The following DST variants were observed in gnomAD, a reference collection of about 807,000 sequenced individuals.
DST encodes the protein dystonin, also known as bullous pemphigoid antigen.
A neutral mutation model predicts 875.2 loss-of-function variants in DST; 253 were observed. That is an observed-to-expected ratio of 0.29 (90% CI 0.26 to 0.32). DST has a LOEUF of 0.32. Ranked by LOEUF, DST falls within the 10% of genes least tolerant of loss-of-function variation. The pLI, the probability that DST is intolerant of heterozygous loss-of-function variation, is 1.00. For missense variants in DST, 8,287 were observed against 9,111.6 expected, an observed-to-expected ratio of 0.91 and a Z score of 3.68; for synonymous variants, 3,124 against 3,197.1, an observed-to-expected ratio of 0.98 and a Z score of 0.77.
chr6:56,616,032 A>G, intron 36 of DST: 1 of 1,614,212 alleles, frequency 6.2e-7, no homozygotes, highest in Non-Finnish European at 8.5e-7. Context: ...GCTTCAAGGC[A>G]TCGGAGGGCA....
chr6:56,617,512 A>C, intron 36 of DST: 3 of 1,195,300 alleles, frequency 2.5e-6, no homozygotes, highest in Non-Finnish European at 3.7e-6. Flanking sequence ...TTGAATTACA[A>C]AGACAAGATT....
chr6:56,925,742 G>A (rs1222253058), intron 2 of DST, among the ~76,000 whole-genome samples: 2 of 152,132 alleles, frequency 1.3e-5, no homozygotes, highest in African/African-American at 4.8e-5. Flanking sequence ...CATGGAAATA[G>A]GTTTTATTTC....
At chr6:56,721,620 A>C (rs1370951278) in intron 5 of DST, among the ~76,000 whole-genome samples, 1 of 152,258 alleles carries the variant, frequency 6.6e-6, no homozygotes, top group Non-Finnish European at 1.5e-5. Context: ...CAGAAATAAA[A>C]TTCTGTCTAA....
At chr6:56,590,984 C>T (rs2098262949) in intron 49 of DST, among the ~76,000 whole-genome samples, 1 of 152,224 alleles carries the variant, frequency 6.6e-6, no homozygotes, top group African/African-American at 2.4e-5. Flanking sequence ...AATTTTTCGA[C>T]TCTGTAAATA....
intron 4 of DST, among the ~76,000 whole-genome samples, chr6:56,779,700 TG>T (rs1251517873): frequency 6.6e-6 from 1 of 151,720 alleles, no homozygotes; most frequent in Admixed American, 6.6e-5. Context: ...GTTGTAGATA[TG>T]TGGCATTAGT....
chr6:56,498,230 G>A (rs1052048243), intron 80 of DST, among the ~76,000 whole-genome samples, 177 bp from the exon 81 acceptor site: 1 of 152,024 alleles, frequency 6.6e-6, no homozygotes, highest in African/African-American at 2.4e-5. Flanking sequence ...CTGCAGTGTA[G>A]TGGTTCTATT....
chr6:56,599,367 A>C (rs999469071), intron 45 of DST, among the ~76,000 whole-genome samples: 4 of 151,968 alleles, frequency 2.6e-5, no homozygotes, highest in African/African-American at 9.7e-5. Flanking sequence ...AATCTTCTTC[A>C]AATTTGTCTT....
In DST at chr6:56,605,121, T is replaced by C. The variant is rs761166933; in HGVS notation, c.9507A>G (p.Ser3169=). The stretch of plus-strand genomic sequence containing the variant: ...GCTCTTTCTCAGGTCCATCAGTGAA[T>C]GACTCCTCAAAATGTGTATTCCCTT... ...SWEGNTHFEE[S]FTDGPEKELD... The change falls in exon 40 of 104, where the codon TCA becomes TCG. Residue 3169 remains serine, a synonymous_variant. Coordinates refer to ENST00000680361, the MANE Select transcript of DST (RefSeq NM_001374736.1). 1 of 1,612,708 alleles carries C rather than the reference T, an allele frequency of 6.2e-7. No individual in the cohort carries two copies.
In DST at chr6:56,634,245, A is replaced by C. The variant is rs1474388364; in HGVS notation, c.3508T>G (p.Tyr1170Asp). Reference sequence around the variant, plus strand: ...TGCCAAAGAGTCAGGACATTCTGATACTGTTGCTCAATTCTGAAATACATG... The same window carrying C: ...TGCCAAAGAGTCAGGACATTCTGATCCTGTTGCTCAATTCTGAAATACATG... ...VDLANRIEQQ[Y>D]QNVLTLWHES... Residue 1170 changes from tyrosine to aspartate, a missense_variant, in exon 27 of 104, where the codon TAT (tyrosine) becomes GAT (aspartate). Around this residue, in one of 10 missense-constraint regions of DST, gnomAD observed 1,160 missense variants for 1,424.3 expected, o/e 0.81. Coordinates refer to ENST00000680361, the MANE Select transcript of DST (RefSeq NM_001374736.1). The C allele has an allele frequency of 4.3e-6, 7 of 1,613,890 alleles. No homozygotes were observed. The highest frequency in any genetic ancestry group is 5.9e-6 in the Non-Finnish European group (7 of 1,180,036).
intron 3 of DST, chr6:56,852,126 A>G: frequency 2.1e-6 from 2 of 946,820 alleles, no homozygotes; most frequent in African/African-American, 3.5e-5. Flanking sequence ...CGTTCTGACC[A>G]GTTTTAAGCC....
At position 56,618,591 on chromosome 6, in the gene DST, G is replaced by A. The variant is rs760387233; in HGVS notation, c.4930-4107C>T. On this transcript the variant is annotated intron_variant, in intron 36 of 103. Transcript: ENST00000680361. ...TTTGCTTCCATGTGCTGCCCTTGCT[G>A]CATTTGTTCACGATACTGTTGAAGC... 1.1e-5 allele frequency: 18 copies of A among 1,614,002 alleles called. No homozygotes were observed. Among genetic ancestry groups the A allele is most frequent in the Non-Finnish European group, 1.4e-5 (16 of 1,180,038 alleles).
At position 56,784,518 on chromosome 6, in the gene DST, A is replaced by G. The variant is rs529701565; in HGVS notation, c.626-49229T>C. On this transcript the variant is annotated intron_variant, in intron 4 of 103. Coordinates refer to ENST00000680361, the MANE Select transcript of DST (RefSeq NM_001374736.1). ...ACCCTTTCTTCCAGTTGATCGCATCAGCTCCTGAGGCTTCTGCATTCTTCA... is the reference window on the plus strand; with the variant it reads ...ACCCTTTCTTCCAGTTGATCGCATCGGCTCCTGAGGCTTCTGCATTCTTCA... 1.2e-3 allele frequency among the ~76,000 whole-genome samples: 176 copies of G among 152,256 alleles called. 1 individual carries two copies. The highest frequency in any genetic ancestry group is 3.4e-3 in the Middle Eastern group (1 of 294).
chr6:56,803,683 T>A (rs2099749935), intron 4 of DST, among the ~76,000 whole-genome samples: 1 of 152,190 alleles, frequency 6.6e-6, no homozygotes, highest in Non-Finnish European at 1.5e-5. Flanking sequence ...TCAACTCCCA[T>A]CCTGACAGAC....
Position 56,560,409 on chromosome 6 carries a change from T to G in DST, c.14325A>C (p.Glu4775Asp), listed in dbSNP as rs779577619. Residue 4775 changes from glutamate to aspartate, a missense_variant, in exon 58 of 104, where the codon GAA (glutamate) becomes GAC (aspartate). Physicochemically the swap from Glu to Asp is conservative, Grantham distance 45. Transcript: ENST00000680361. The part of the protein sequence containing the change: ...QVEQNKSFEA[E>D]LKQNVNKVQE... ...GTACTTTGTTTACATTCTGCTTCAGTTCTGCCTCAAACGACTAACAAGGGA... is the reference window on the plus strand; with the variant it reads ...GTACTTTGTTTACATTCTGCTTCAGGTCTGCCTCAAACGACTAACAAGGGA... 1 of 1,599,324 alleles carries G rather than the reference T, an allele frequency of 6.3e-7. No homozygotes were observed. The highest frequency in any genetic ancestry group is 8.5e-7 in the Non-Finnish European group (1 of 1,171,568).
At chr6:56,923,646 A>G (rs1217054472) in intron 2 of DST, among the ~76,000 whole-genome samples, 1 of 152,136 alleles carries the variant, frequency 6.6e-6, no homozygotes, top group Non-Finnish European at 1.5e-5. Context: ...AAAGCCATTG[A>G]GCAGGAAGAT....
chr6:56,531,620 C>G (rs539735789), intron 64 of DST, among the ~76,000 whole-genome samples: 27 of 152,166 alleles, frequency 1.8e-4, no homozygotes, highest in Non-Finnish European at 3.4e-4. Flanking sequence ...CATACTCACT[C>G]AGGTCAGTGA....
intron 64 of DST, among the ~76,000 whole-genome samples, chr6:56,531,500 C>T (rs911928607): frequency 3.3e-5 from 5 of 152,150 alleles, no homozygotes; most frequent in Non-Finnish European, 4.4e-5. Context: ...TCTTTGGGAG[C>T]ACTTTATTCT....
Position 56,600,088 on chromosome 6 carries a change from T to C in DST, c.11675A>G (p.Lys3892Arg). 1 of 1,612,554 alleles carries C rather than the reference T, an allele frequency of 6.2e-7. No homozygotes were observed. The highest frequency in any genetic ancestry group is 2.2e-5 in the East Asian group (1 of 44,850). The change falls in exon 45 of 104, where the codon AAA becomes AGA. Residue 3892 changes from lysine to arginine, a missense_variant. Lys to Arg is a conservative substitution (Grantham distance 26, BLOSUM62 2). Around this residue, in one of 10 missense-constraint regions of DST, gnomAD observed 3,138 missense variants for 3,116.6 expected, o/e 1.01. Transcript: ENST00000680361. ...MIGDGTVELK[K>R]YQSKQEELQK... ...TTCTACCTCTTGCTTGGACTGATATTTCTTTAACTCAACTGTGCCATCTCC... is the reference window on the plus strand; with the variant it reads ...TTCTACCTCTTGCTTGGACTGATATCTCTTTAACTCAACTGTGCCATCTCC...
In DST at chr6:56,529,714, G is replaced by T; in HGVS notation, c.17329C>A (p.Gln5777Lys). The T allele has an allele frequency of 6.2e-7, 1 of 1,612,780 alleles. No individual in the cohort carries two copies. The highest frequency in any genetic ancestry group is 8.5e-7 in the Non-Finnish European group (1 of 1,179,442). The part of the protein sequence containing the change: ...KHLHQAVSIG[Q>K]SLKVLSSRED... ...CTGGAGCTCAAAACCTTTAAGGACT[G>T]GCCAATGCTAACAGCCTGGTGTAAA... Residue 5777 changes from glutamine (Q) to lysine (K), a missense_variant, in exon 66 of 104, where the codon CAG (glutamine) becomes AAG (lysine). By Grantham distance (53) the Gln-to-Lys change is moderately conservative. This residue lies in a region of DST where 777 missense variants were observed against 764.8 expected (regional missense o/e 1.02). Transcript: ENST00000680361.
Sources: allele counts gnomAD v4.1 joint callset (sites outside exome capture counted in the v4.1 genomes callset), GRCh38; gene constraint gnomAD v4.1.1; regional missense constraint gnomAD v4.1.1; transcripts MANE v1.5; gene names NCBI Gene and HGNC (gene_info 2026-07-23, HGNC 2026-07-21).